The following NCBP3 variants were observed in gnomAD, a reference collection of about 807,000 sequenced individuals.
The protein encoded by NCBP3 is nuclear cap-binding protein subunit 3.
Under a neutral mutation model 75.7 loss-of-function variants are expected in NCBP3, and 20 were observed. That is an observed-to-expected ratio of 0.26 (90% CI 0.19 to 0.38). The LOEUF is 0.38. NCBP3 is among the 10% of genes least tolerant of loss of function. The pLI, the probability that NCBP3 is intolerant of heterozygous loss-of-function variation, is 1.00. For missense variants in NCBP3, 678 were observed against 796.9 expected (o/e 0.85, Z 1.80); for synonymous variants, 293 against 290.5 (o/e 1.01, Z -0.09).
chr17:3,827,361 T>C (rs1173058689), intron 4 of NCBP3, among the ~76,000 whole-genome samples: 2 of 152,216 alleles, frequency 1.3e-5, no homozygotes, highest in African/African-American at 4.8e-5. Context: ...GGGAAGCCCT[T>C]TGCTGCTCCT....
At chr17:3,826,512 T>C (rs117042887) in intron 4 of NCBP3, among the ~76,000 whole-genome samples, 2,401 of 152,176 alleles carry the variant, frequency 0.016, 31 homozygotes, top group Non-Finnish European at 0.024. Flanking sequence ...GAGCCGGTAG[T>C]CCCAGCTACT....
chr17:3,824,230 T>C (rs2053727493), intron 7 of NCBP3: 1 of 152,188 alleles, frequency 6.6e-6, no homozygotes, highest in Admixed American at 6.5e-5. Context: ...ACAATGTTCT[T>C]ATTCTTTGGA....
intron 2 of NCBP3, 73 bp downstream of exon 2, chr17:3,843,013 T>C (rs2054093622): frequency 8.4e-7 from 1 of 1,184,774 alleles, no homozygotes; most frequent in Non-Finnish European, 1.2e-6. Context: ...TATTTACTGT[T>C]ATGTCCTAGG....
At position 3,816,128 on chromosome 17, in the gene NCBP3, T is replaced by C; in HGVS notation, c.1453A>G (p.Ser485Gly). 1 of 1,613,968 alleles carries C rather than the reference T, an allele frequency of 6.2e-7. No homozygotes were observed. Among genetic ancestry groups the C allele is most frequent in the Non-Finnish European group, 8.5e-7 (1 of 1,179,900 alleles). Residue 485 changes from serine (S) to glycine (G), a missense_variant, in exon 11 of 13, where the codon AGT becomes GGT. Ser to Gly is a moderately conservative substitution (Grantham distance 56, BLOSUM62 0). Transcript: ENST00000389005. ...TGAGGAACAGTACCTGATTTAGTAC[T>C]GCTGACTGGTGGCCGTGGACGGGAG... ...QHSRPRPPVSSTKSDIRQRLG... is the reference protein window; with the variant it reads ...QHSRPRPPVSGTKSDIRQRLG...
At chr17:3,821,145 A>G in intron 9 of NCBP3, 104 bp downstream of exon 9, 1 of 780,412 alleles carries the variant, frequency 1.3e-6, no homozygotes, top group Non-Finnish European at 2.2e-6. Context: ...AGGGCAAGGA[A>G]GAGAGGATGA....
intron 6 of NCBP3, 107 bp downstream of exon 6, chr17:3,825,660 G>C (rs1194206055): frequency 2.6e-6 from 2 of 760,484 alleles, no homozygotes; most frequent in East Asian, 5.4e-5. Context: ...AAGGTCTAAT[G>C]GTGAAAGCTA....
chr17:3,833,479 A>G (rs1452785120), intron 3 of NCBP3, among the ~76,000 whole-genome samples: 1 of 151,952 alleles, frequency 6.6e-6, no homozygotes, highest in Admixed American at 6.6e-5. Context: ...TCCATTGCCC[A>G]AGTTTTGATG....
In NCBP3 at chr17:3,825,771, A is replaced by G; in HGVS notation, c.683T>C (p.Val228Ala). 1.3e-6 allele frequency: 2 copies of G among 1,547,846 alleles called. No homozygotes were observed. The highest frequency in any genetic ancestry group is 2.4e-5 in the East Asian group (1 of 40,848). ...GEVEDENSSD[V>A]ELDTLSQVEE... The stretch of plus-strand genomic sequence containing the variant: ...TATCTTTCCCCTATTACTAACCTCT[A>G]CATCACTTGAGTTCTCATCTTCAAC... Residue 228 changes from valine (V) to alanine (A), a missense_variant, in exon 6 of 13, where the codon GTA (valine) becomes GCA (alanine). Physicochemically the swap from Val to Ala is moderately conservative, Grantham distance 64. This residue lies in a region of NCBP3 where 98 missense variants were observed against 101.8 expected (regional missense o/e 0.96). Coordinates refer to ENST00000389005, the MANE Select transcript of NCBP3 (RefSeq NM_001114118.3).
chr17:3,842,036 A>T (rs2054073537), intron 2 of NCBP3, among the ~76,000 whole-genome samples: 1 of 152,170 alleles, frequency 6.6e-6, no homozygotes, highest in African/African-American at 2.4e-5. Flanking sequence ...TATTGACTAC[A>T]TATAAGGAAA....
At chr17:3,840,697 A>G (rs2054048779) in intron 2 of NCBP3, among the ~76,000 whole-genome samples, 1 of 152,292 alleles carries the variant, frequency 6.6e-6, no homozygotes, top group African/African-American at 2.4e-5. Flanking sequence ...ACCACTTCAC[A>G]TTGTCTGAGC....
intron 3 of NCBP3, among the ~76,000 whole-genome samples, chr17:3,835,078 A>G (rs2053950714): frequency 6.6e-6 from 1 of 152,206 alleles, no homozygotes; most frequent in Non-Finnish European, 1.5e-5. Flanking sequence ...CGTGTACACA[A>G]TGGAGAGCAA....
intron 3 of NCBP3, among the ~76,000 whole-genome samples, chr17:3,838,116 C>T (rs1468362875): frequency 6.6e-6 from 1 of 152,184 alleles, no homozygotes; most frequent in Non-Finnish European, 1.5e-5. Context: ...CACAAAGGAA[C>T]TGAGACTAGA....
chr17:3,817,457 G>T (rs543552092), intron 10 of NCBP3, among the ~76,000 whole-genome samples: 1 of 151,978 alleles, frequency 6.6e-6, no homozygotes, highest in Admixed American at 6.6e-5. Context: ...GCTGAAACCC[G>T]TCTCTACTAA....
chr17:3,839,423 C>T (rs1056124757), intron 3 of NCBP3, among the ~76,000 whole-genome samples: 1 of 152,144 alleles, frequency 6.6e-6, no homozygotes, highest in Non-Finnish European at 1.5e-5. Flanking sequence ...TCTCGGATCA[C>T]GGCAACCTCT....
chr17:3,817,896 A>G (rs1483141609), intron 10 of NCBP3, among the ~76,000 whole-genome samples: 2 of 152,196 alleles, frequency 1.3e-5, no homozygotes, highest in African/African-American at 4.8e-5. Context: ...CAAAACTATA[A>G]ATAGCATAAC....
Position 3,802,158 on chromosome 17 carries a change from T to A in NCBP3, c.*10886A>T, listed in dbSNP as rs2053273835. The A allele has an allele frequency of 6.6e-6, 1 of 152,188 alleles. No individual in the cohort carries two copies. The highest frequency in any genetic ancestry group is 1.5e-5 in the Non-Finnish European group (1 of 68,032). The allele number at this position is 152,188 out of a possible 1,614,324, so 9.4% of individuals were successfully genotyped here. A position where few individuals can be genotyped will look rare whatever the true frequency, so the allele number is the denominator to read the frequency against. Reference sequence around the variant, plus strand: ...CTTAAAATGCCACTAGAACAACTGATGAACTGAATTTTGTATATTTTATTT... The same window carrying A: ...CTTAAAATGCCACTAGAACAACTGAAGAACTGAATTTTGTATATTTTATTT... On this transcript the variant is annotated 3_prime_UTR_variant, in exon 13 of 13. Coordinates refer to ENST00000389005, the MANE Select transcript of NCBP3 (RefSeq NM_001114118.3).
intron 11 of NCBP3, among the ~76,000 whole-genome samples, chr17:3,815,076 A>G (rs1259235064): frequency 1.3e-5 from 2 of 152,294 alleles, no homozygotes; most frequent in Admixed American, 1.3e-4. Context: ...CTGGTCACTG[A>G]GACCTGAGCT....
At chr17:3,820,908 A>G (rs1319266622) in intron 9 of NCBP3, among the ~76,000 whole-genome samples, 1 of 151,760 alleles carries the variant, frequency 6.6e-6, no homozygotes, top group Non-Finnish European at 1.5e-5. Context: ...CCAGCCTGAG[A>G]GACAGAGCGA....
rs940281283 is a variant in NCBP3, at chr17:3,818,546, T to C, written c.1027A>G (p.Ile343Val). The C allele has an allele frequency of 6.2e-7, 1 of 1,609,118 alleles. No homozygotes were observed. Among genetic ancestry groups the C allele is most frequent in the Non-Finnish European group, 8.5e-7 (1 of 1,179,832 alleles). The change falls in exon 10 of 13, where the codon ATT becomes GTT. Residue 343 changes from isoleucine to valine, a missense_variant. Around this residue, in one of 7 missense-constraint regions of NCBP3, gnomAD observed 365 missense variants for 392.7 expected, o/e 0.93. Transcript: ENST00000389005. The surrounding 1 kb of genome is among the most constrained non-coding windows in gnomAD (Gnocchi z 4.7). ...SGLVNVPEEP[I>V]EEEEEEEEEE... is the part of the protein sequence containing the mutation. Reference sequence around the variant, plus strand: ...TCCTCCTCCTCTTCCTCCTCTTCAATGGGTTCCTCGGGAACATTCACTAGC... The same window carrying C: ...TCCTCCTCCTCTTCCTCCTCTTCAACGGGTTCCTCGGGAACATTCACTAGC...
Sources: allele counts gnomAD v4.1 joint callset (sites outside exome capture counted in the v4.1 genomes callset), GRCh38; gene constraint gnomAD v4.1.1; regional missense constraint gnomAD v4.1.1; non-coding constraint Gnocchi (gnomAD v3.1); transcripts MANE v1.5; gene names NCBI Gene and HGNC (gene_info 2026-07-23, HGNC 2026-07-21).